RAB3D: variants seen among roughly 807,000 people sequenced by gnomAD.
RAB3D encodes the protein RAB3D, member RAS oncogene family.
RAB3D carries 17 observed loss-of-function variants against 19.3 expected under a neutral mutation model. The observed-to-expected ratio is 0.88, with a 90% CI of 0.60 to 1.32. The LOEUF (loss-of-function observed/expected upper bound fraction) is 1.32. Among genes scored for constraint, RAB3D ranks in the 40% most tolerant of loss-of-function variants. The pLI, the probability that RAB3D is intolerant of heterozygous loss-of-function variation, is 0.00. For synonymous variants in RAB3D, 103 were observed against 119.9 expected (o/e 0.86, Z 0.92); for missense variants, 223 against 299.1 (o/e 0.75, Z 1.88).
At chr19:11,327,336 T>C (rs1271486057) in intron 4 of RAB3D, among the ~76,000 whole-genome samples, 1 of 152,228 alleles carries the variant, frequency 6.6e-6, no homozygotes, top group Non-Finnish European at 1.5e-5. Context: ...TCCCACTGTC[T>C]TCCTGGGCAA....
intron 4 of RAB3D, among the ~76,000 whole-genome samples, chr19:11,330,544 T>C (rs1435418658): frequency 6.6e-6 from 1 of 151,866 alleles, no homozygotes; most frequent in African/African-American, 2.4e-5. Flanking sequence ...GCAAGACCTA[T>C]CTCTTAAAAT....
intron 4 of RAB3D, among the ~76,000 whole-genome samples, chr19:11,332,096 C>T (rs768046828): frequency 1.3e-5 from 2 of 152,154 alleles, no homozygotes; most frequent in African/African-American, 2.4e-5. Context: ...TGCAATGGTG[C>T]GATCTCAGCT....
chr19:11,330,036 G>A (rs750631564), intron 4 of RAB3D, among the ~76,000 whole-genome samples: 4 of 151,968 alleles, frequency 2.6e-5, no homozygotes, highest in East Asian at 3.9e-4. Flanking sequence ...CCTTTACCCC[G>A]AGACCCCAGA....
intron 4 of RAB3D, among the ~76,000 whole-genome samples, chr19:11,329,093 A>AT (rs2080826854): frequency 6.6e-6 from 1 of 151,482 alleles, no homozygotes; most frequent in African/African-American, 2.4e-5. Flanking sequence ...GATTTTTGGT[A>AT]TTTTTTATAG....
intron 4 of RAB3D, chr19:11,326,765 G>A (rs572204309): frequency 3.9e-5 from 27 of 696,182 alleles, no homozygotes; most frequent in Non-Finnish European, 5.5e-5. Flanking sequence ...CACCATGCCC[G>A]GCTAATTTTT....
intron 4 of RAB3D, among the ~76,000 whole-genome samples, chr19:11,329,117 C>T (rs2080826941): frequency 6.6e-6 from 1 of 151,716 alleles, no homozygotes; most frequent in Non-Finnish European, 1.5e-5. Flanking sequence ...TGGGGCTTCA[C>T]CATGTTGCCC....
intron 4 of RAB3D, chr19:11,327,105 G>A: frequency 2.5e-6 from 1 of 396,358 alleles, no homozygotes; most frequent in Non-Finnish European, 4.5e-6. Flanking sequence ...ATCATAATGA[G>A]TTAGCTGTGT....
At chr19:11,334,828 CAGG>C (rs1180946001) in intron 4 of RAB3D, among the ~76,000 whole-genome samples, 1 of 151,686 alleles carries the variant, frequency 6.6e-6, no homozygotes, top group Non-Finnish European at 1.5e-5. Flanking sequence ...GAGGCTGAAG[CAGG>C]AGAATTGCTT....
At chr19:11,328,517 C>T (rs777994275) in intron 4 of RAB3D, among the ~76,000 whole-genome samples, 13 of 151,688 alleles carry the variant, frequency 8.6e-5, no homozygotes, top group South Asian at 6.2e-4. Context: ...TGTGGTGGCA[C>T]GTGCCTGCAG....
At chr19:11,335,884 G>A (rs1165348643) in intron 2 of RAB3D, 101 bp from the exon 3 acceptor site, 1 of 1,093,238 alleles carries the variant, frequency 9.1e-7, no homozygotes, top group Non-Finnish European at 1.4e-6. Context: ...CAGCCTTACG[G>A]GGGAGACACA....
chr19:11,330,980 C>A (rs2080833744), intron 4 of RAB3D, among the ~76,000 whole-genome samples: 1 of 150,228 alleles, frequency 6.7e-6, no homozygotes, highest in South Asian at 2.1e-4. Context: ...CGTGCCACTG[C>A]ACTCCAGCCT....
At chr19:11,335,009 T>A (rs1185357708) in intron 4 of RAB3D, among the ~76,000 whole-genome samples, 1 of 152,164 alleles carries the variant, frequency 6.6e-6, no homozygotes, top group Non-Finnish European at 1.5e-5. Flanking sequence ...AGAGCGAGAC[T>A]CCGTCTCAAA....
At chr19:11,329,273 G>A (rs552966041) in intron 4 of RAB3D, among the ~76,000 whole-genome samples, 3 of 152,172 alleles carry the variant, frequency 2.0e-5, no homozygotes, top group East Asian at 1.9e-4. Flanking sequence ...TGTAGGGGAT[G>A]TGTGTGTGCA....
At chr19:11,334,521 G>C (rs1200400918) in intron 4 of RAB3D, among the ~76,000 whole-genome samples, 1 of 152,002 alleles carries the variant, frequency 6.6e-6, no homozygotes, top group Non-Finnish European at 1.5e-5. Flanking sequence ...TGGTGTGGTG[G>C]CTCATGCCTG....
At chr19:11,331,849 A>T (rs380764) in intron 4 of RAB3D, among the ~76,000 whole-genome samples, 14,244 of 152,000 alleles carry the variant, frequency 0.094, 1,361 homozygotes, top group African/African-American at 0.25. Flanking sequence ...AAACAGCTGG[A>T]GTTGCATAGT....
At chr19:11,326,970 T>C (rs549972836) in intron 4 of RAB3D, 54 of 487,174 alleles carry the variant, frequency 1.1e-4, no homozygotes, top group Non-Finnish European at 1.6e-4. Flanking sequence ...TGAATCTCCA[T>C]GCAGCCCCAC....
At chr19:11,337,001 G>A (rs1160734917) in intron 2 of RAB3D, among the ~76,000 whole-genome samples, 171 bp downstream of exon 2, 1 of 150,974 alleles carries the variant, frequency 6.6e-6, no homozygotes, top group East Asian at 2.0e-4. Flanking sequence ...GGTCGAGGCA[G>A]GAGAATCGCT....
Position 11,325,143 on chromosome 19 carries a change from T to C in RAB3D, c.*255A>G. 7.2e-6 allele frequency: 3 copies of C among 414,490 alleles called. No homozygotes were observed. Among genetic ancestry groups the C allele is most frequent in the South Asian group, 3.2e-5 (1 of 31,630 alleles). 25.7% of individuals were successfully genotyped at this position (414,490 alleles called of 1,614,324 possible). On this transcript the variant is annotated 3_prime_UTR_variant, in exon 5 of 5. Coordinates refer to ENST00000222120, the MANE Select transcript of RAB3D (RefSeq NM_004283.4). ...CACACCCTGGAAAGCAGCAAGCTCATGCACGTCAGTGTCCCTGGGCCTCTG... is the reference window on the plus strand; with the variant it reads ...CACACCCTGGAAAGCAGCAAGCTCACGCACGTCAGTGTCCCTGGGCCTCTG...
At chr19:11,337,777 C>T (rs1193409631) in intron 1 of RAB3D, among the ~76,000 whole-genome samples, 2 of 151,610 alleles carry the variant, frequency 1.3e-5, no homozygotes, top group African/African-American at 4.8e-5. Context: ...CTCGAGTGAT[C>T]CTCCTGCCTC....
Sources: allele counts gnomAD v4.1 joint callset (sites outside exome capture counted in the v4.1 genomes callset), GRCh38; gene constraint gnomAD v4.1.1; transcripts MANE v1.5; gene names NCBI Gene and HGNC (gene_info 2026-07-23, HGNC 2026-07-21).